The following ACBD6 variants were observed in gnomAD, a reference collection of about 807,000 sequenced individuals.
ACBD6 encodes the protein acyl-CoA-binding domain-containing protein 6.
In ACBD6, 28 loss-of-function variants were observed where a neutral mutation model predicts 37.2. That is an observed-to-expected ratio of 0.75 (90% CI 0.56 to 1.03). The LOEUF is 1.03. Among genes scored for constraint, ACBD6 ranks in the 50% least tolerant of loss-of-function variants. The pLI is 0.00. For missense variants in ACBD6, 340 were observed against 337.4 expected (o/e 1.01, Z -0.06); for synonymous variants, 113 against 126.8 (o/e 0.89, Z 0.73).
chr1:180,469,765 C>T (rs1337543249), intron 3 of ACBD6, among the ~76,000 whole-genome samples: 1 of 152,142 alleles, frequency 6.6e-6, no homozygotes, highest in African/African-American at 2.4e-5. Flanking sequence ...GGTTAACATT[C>T]ACTAATATCC....
intron 6 of ACBD6, among the ~76,000 whole-genome samples, chr1:180,368,014 A>AATAC (rs150792220): frequency 0.012 from 1,834 of 152,298 alleles, 36 homozygotes; most frequent in African/African-American, 0.041. Context: ...ACCAACAGTG[A>AATAC]ATACATGTTC....
intron 4 of ACBD6, among the ~76,000 whole-genome samples, chr1:180,429,546 G>T (rs560099553): frequency 8.3e-4 from 126 of 152,198 alleles, no homozygotes; most frequent in African/African-American, 2.9e-3. Context: ...ATAGAATGCT[G>T]CTATGAACAT....
chr1:180,391,847 C>T (rs1425544388), intron 6 of ACBD6, among the ~76,000 whole-genome samples: 1 of 152,026 alleles, frequency 6.6e-6, no homozygotes, highest in Non-Finnish European at 1.5e-5. Flanking sequence ...TGTCTACATT[C>T]AAGAAAGCTC....
chr1:180,353,064 C>T (rs1476817803), intron 6 of ACBD6, among the ~76,000 whole-genome samples: 1 of 152,182 alleles, frequency 6.6e-6, no homozygotes, highest in African/African-American at 2.4e-5. Flanking sequence ...TTTCTTAGAA[C>T]TTAACTGATA....
chr1:180,471,322 G>C (rs890080280), intron 3 of ACBD6, among the ~76,000 whole-genome samples: 2 of 150,940 alleles, frequency 1.3e-5, no homozygotes, highest in Non-Finnish European at 1.5e-5. Context: ...GATCACCTGA[G>C]ACTGGAGAGG....
intron 6 of ACBD6, among the ~76,000 whole-genome samples, chr1:180,318,173 C>CCCT (rs1650902996): frequency 3.3e-5 from 4 of 120,058 alleles, no homozygotes; most frequent in Non-Finnish European, 5.6e-5. Flanking sequence ...GCCCCCCCCC[C>CCCT]CCAAAAAAAA....
chr1:180,295,006 T>C (rs1413552942), intron 7 of ACBD6, among the ~76,000 whole-genome samples: 1 of 152,150 alleles, frequency 6.6e-6, no homozygotes, highest in East Asian at 1.9e-4. Flanking sequence ...GCCTGTTTCT[T>C]CTCTTTTTTT....
At position 180,296,345 on chromosome 1, in the gene ACBD6, G is replaced by C. The variant is rs190968075; in HGVS notation, c.695-7828C>G. Among the ~76,000 whole-genome samples the C allele has an allele frequency of 1.4e-4, 22 of 152,340 alleles. 1 individual carries two copies. Among genetic ancestry groups the C allele is most frequent in the Admixed American group, 1.4e-3 (22 of 15,300 alleles). Reference sequence around the variant, plus strand: ...AGTGCAAGGTAAAGCAGTAAGTGCTGATGCAGAAGTGAGAGCAAGTTATCC... The same window carrying C: ...AGTGCAAGGTAAAGCAGTAAGTGCTCATGCAGAAGTGAGAGCAAGTTATCC... On this transcript the variant is annotated intron_variant, in intron 7 of 7. Coordinates refer to ENST00000367595, the MANE Select transcript of ACBD6 (RefSeq NM_032360.4).
At chr1:180,383,802 G>A (rs1417415991) in intron 6 of ACBD6, among the ~76,000 whole-genome samples, 1 of 152,110 alleles carries the variant, frequency 6.6e-6, no homozygotes, top group African/African-American at 2.4e-5. Flanking sequence ...AAGAAAGCAT[G>A]GTATTGGTAT....
At chr1:180,384,264 G>A (rs747077443) in intron 6 of ACBD6, among the ~76,000 whole-genome samples, 3 of 151,890 alleles carry the variant, frequency 2.0e-5, no homozygotes, top group African/African-American at 4.8e-5. Context: ...TCTGACAAGG[G>A]ACTAATATCC....
At chr1:180,408,124 A>T (rs1410122681) in intron 5 of ACBD6, among the ~76,000 whole-genome samples, 1 of 152,244 alleles carries the variant, frequency 6.6e-6, no homozygotes, top group Non-Finnish European at 1.5e-5. Flanking sequence ...AGACAGTGAT[A>T]TAAGCAAAAA....
chr1:180,402,907 G>C (rs1037115487), intron 5 of ACBD6, among the ~76,000 whole-genome samples: 3 of 152,048 alleles, frequency 2.0e-5, no homozygotes, highest in East Asian at 1.9e-4. Flanking sequence ...GTATAAAGGA[G>C]GTAATTAACA....
chr1:180,342,155 T>C (rs555363256), intron 6 of ACBD6, among the ~76,000 whole-genome samples: 3 of 152,216 alleles, frequency 2.0e-5, no homozygotes, highest in Non-Finnish European at 4.4e-5. Context: ...AGCAAGGACA[T>C]GAACATAAGA....
intron 6 of ACBD6, among the ~76,000 whole-genome samples, chr1:180,367,732 T>G (rs145950495): frequency 0.02 from 3,002 of 152,314 alleles, 100 homozygotes; most frequent in African/African-American, 0.067. Flanking sequence ...TGTTCTTTTT[T>G]ATGGCTGCAT....
chr1:180,280,412 T>C (rs143649153), intron 9 of ACBD6, among the ~76,000 whole-genome samples: 8 of 152,098 alleles, frequency 5.3e-5, no homozygotes, highest in East Asian at 1.9e-4. Context: ...AAGCAGGAGG[T>C]TGGGCTCTGG....
chr1:180,289,731 C>T (rs1649628857), intron 7 of ACBD6, among the ~76,000 whole-genome samples: 2 of 152,080 alleles, frequency 1.3e-5, no homozygotes, highest in African/African-American at 4.8e-5. Flanking sequence ...TCCTGTAGAA[C>T]ACTGGAAACT....
intron 6 of ACBD6, among the ~76,000 whole-genome samples, chr1:180,375,550 T>A (rs899981637): frequency 6.6e-6 from 1 of 152,172 alleles, no homozygotes; most frequent in African/African-American, 2.4e-5. Flanking sequence ...GTTCTTGAGC[T>A]CCTAGGCTCA....
chr1:180,332,749 C>T (rs142625418), intron 6 of ACBD6, among the ~76,000 whole-genome samples: 44 of 152,164 alleles, frequency 2.9e-4, no homozygotes, highest in African/African-American at 1.0e-3. Flanking sequence ...AAATGTAATG[C>T]ATTTGAATCA....
At chr1:180,373,488 A>G (rs966922009) in intron 6 of ACBD6, among the ~76,000 whole-genome samples, 5 of 152,220 alleles carry the variant, frequency 3.3e-5, no homozygotes, top group African/African-American at 9.6e-5. Flanking sequence ...TAATGCATAA[A>G]ATGCAGACAA....
Sources: allele counts gnomAD v4.1 joint callset (sites outside exome capture counted in the v4.1 genomes callset), GRCh38; gene constraint gnomAD v4.1.1; transcripts MANE v1.5; gene names NCBI Gene and HGNC (gene_info 2026-07-23, HGNC 2026-07-21).